Variants in VWA8 observed in about 807,000 individuals in gnomAD.
The protein encoded by VWA8 is von Willebrand factor A domain-containing protein 8.
VWA8 carries 221 observed loss-of-function variants against 241.5 expected under a neutral mutation model. That is an observed-to-expected ratio of 0.91 (90% CI 0.82 to 1.02). VWA8 has a LOEUF of 1.02. Among genes scored for constraint, VWA8 ranks in the 50% least tolerant of loss-of-function variants. VWA8 has a pLI of 0.00. For missense variants in VWA8, 2,322 were observed against 2,328.7 expected (o/e 1.00, Z 0.06); for synonymous variants, 852 against 827.1 (o/e 1.03, Z -0.52).
At chr13:41,718,957 G>A (rs1421241597) in intron 26 of VWA8, among the ~76,000 whole-genome samples, 2 of 151,746 alleles carry the variant, frequency 1.3e-5, no homozygotes, top group Admixed American at 1.3e-4. Context: ...GTGAATTTGT[G>A]CTGACTTAAT....
At chr13:41,655,418 T>A (rs1467552392) in intron 37 of VWA8, among the ~76,000 whole-genome samples, 1 of 152,098 alleles carries the variant, frequency 6.6e-6, no homozygotes, top group African/African-American at 2.4e-5. Context: ...GCATCATGTC[T>A]ACAACTCACA....
chr13:41,950,951 G>A lies in VWA8; in HGVS notation c.164-938C>T, dbSNP rs796910676. Among the ~76,000 whole-genome samples, 8 of 152,088 alleles carry A rather than the reference G, an allele frequency of 5.3e-5. 1 individual carries two copies. The highest frequency in any genetic ancestry group is 1.9e-4 in the African/African-American group (8 of 41,510). Reference sequence around the variant, plus strand: ...CCCAAAGTGCTGGGATTACAGGTGTGAGCCTCCACACCCAGCCCATAGAGT... The same window carrying A: ...CCCAAAGTGCTGGGATTACAGGTGTAAGCCTCCACACCCAGCCCATAGAGT... On this transcript the variant is annotated intron_variant, in intron 1 of 44. Coordinates refer to ENST00000379310, the MANE Select transcript of VWA8 (RefSeq NM_015058.2).
chr13:41,864,631 A>G (rs1873203553), intron 12 of VWA8: 1 of 440,924 alleles, frequency 2.3e-6, no homozygotes, highest in Non-Finnish European at 4.5e-6. Flanking sequence ...GAATAGGCAA[A>G]TTTATAGGGA....
At chr13:41,587,853 A>G (rs2044429518) in intron 41 of VWA8, among the ~76,000 whole-genome samples, 183 bp from the exon 42 acceptor site, 1 of 152,236 alleles carries the variant, frequency 6.6e-6, no homozygotes, top group East Asian at 1.9e-4. Flanking sequence ...ACTGCAGTAA[A>G]CAGAATTTCA....
chr13:41,726,162 T>C (rs993353935), intron 24 of VWA8, among the ~76,000 whole-genome samples: 2 of 152,160 alleles, frequency 1.3e-5, no homozygotes, highest in African/African-American at 4.8e-5. Context: ...AAACTTATTC[T>C]CTTTTTTTAA....
At chr13:41,590,967 T>G (rs2044450651) in intron 40 of VWA8, among the ~76,000 whole-genome samples, 1 of 152,162 alleles carries the variant, frequency 6.6e-6, no homozygotes, top group African/African-American at 2.4e-5. Context: ...TTTCAACATA[T>G]GGAACAATAA....
At chr13:41,855,665 G>A (rs964183854) in intron 12 of VWA8, among the ~76,000 whole-genome samples, 4 of 152,048 alleles carry the variant, frequency 2.6e-5, no homozygotes, top group Non-Finnish European at 5.9e-5. Flanking sequence ...CAGGGGCTGG[G>A]TTTGGGTGGA....
intron 20 of VWA8, 47 bp downstream of exon 20, chr13:41,777,938 G>A: frequency 1.4e-6 from 2 of 1,474,782 alleles, no homozygotes; most frequent in Non-Finnish European, 1.9e-6. Context: ...CTTTTAAATT[G>A]TTACTATCAT....
Position 41,732,103 on chromosome 13 carries a change from T to C in VWA8, c.2479A>G (p.Ile827Val), listed in dbSNP as rs2045488724. 6.2e-7 allele frequency: 1 copy of C among 1,613,218 alleles called. No individual in the cohort carries two copies. The highest frequency in any genetic ancestry group is 2.2e-5 in the East Asian group (1 of 44,840). ...ACCAAAGGTGAGTCTTCATATACAATAAGTCCGTCTTTAACCGAAGGCTGA... is the reference window on the plus strand; with the variant it reads ...ACCAAAGGTGAGTCTTCATATACAACAAGTCCGTCTTTAACCGAAGGCTGA... ...TLQPSVKDGL[I>V]VYEDSPLVKA... The change falls in exon 22 of 45, where the codon ATT (isoleucine) becomes GTT (valine). Residue 827 changes from isoleucine to valine, a missense_variant. Coordinates refer to ENST00000379310, the MANE Select transcript of VWA8 (RefSeq NM_015058.2).
chr13:41,728,657 A>T (rs2045456658), intron 23 of VWA8, among the ~76,000 whole-genome samples: 3 of 151,982 alleles, frequency 2.0e-5, no homozygotes, highest in Admixed American at 6.6e-5. Context: ...GGGTAACTCA[A>T]ATTCTAATTT....
chr13:41,770,294 A>C (rs895721681), intron 20 of VWA8, among the ~76,000 whole-genome samples: 4 of 151,738 alleles, frequency 2.6e-5, no homozygotes, highest in Admixed American at 6.6e-5. Flanking sequence ...CAAAAAAATT[A>C]GCCAGGCGCG....
intron 4 of VWA8, among the ~76,000 whole-genome samples, chr13:41,897,562 A>G (rs534110641): frequency 1.3e-5 from 2 of 152,320 alleles, no homozygotes; most frequent in East Asian, 3.9e-4. Flanking sequence ...TAGATGTATT[A>G]AAGTATTGTG....
intron 3 of VWA8, among the ~76,000 whole-genome samples, 196 bp downstream of exon 3, chr13:41,911,842 T>A (rs968828969): frequency 6.6e-6 from 1 of 152,242 alleles, no homozygotes; most frequent in East Asian, 1.9e-4. Context: ...GCTACAGCTA[T>A]GAAAATTTGC....
chr13:41,672,723 T>C (rs1231238209), intron 36 of VWA8, among the ~76,000 whole-genome samples: 1 of 152,292 alleles, frequency 6.6e-6, no homozygotes. Context: ...GGACCATATG[T>C]TCTGAGCTAC....
At chr13:41,845,567 G>C (rs1872254052) in intron 12 of VWA8, among the ~76,000 whole-genome samples, 1 of 151,846 alleles carries the variant, frequency 6.6e-6, no homozygotes, top group Non-Finnish European at 1.5e-5. Context: ...AAGCAAACTA[G>C]ATGCACATCA....
intron 2 of VWA8, among the ~76,000 whole-genome samples, chr13:41,929,963 A>C (rs1055936590): frequency 1.3e-5 from 2 of 152,256 alleles, no homozygotes; most frequent in Non-Finnish European, 2.9e-5. Flanking sequence ...TCAATTAGGA[A>C]AAAAACATTT....
At chr13:41,694,386 C>A (rs1412195133) in intron 29 of VWA8, among the ~76,000 whole-genome samples, 1 of 151,884 alleles carries the variant, frequency 6.6e-6, no homozygotes, top group Non-Finnish European at 1.5e-5. Flanking sequence ...GCTTAAATTT[C>A]TTTCATAAAC....
chr13:41,673,293 T>C (rs1020911449), intron 36 of VWA8, among the ~76,000 whole-genome samples: 5 of 152,246 alleles, frequency 3.3e-5, no homozygotes, highest in Admixed American at 6.5e-5. Flanking sequence ...TACAGTTTTA[T>C]TGTATTTTCT....
chr13:41,642,622 T>C (rs1370966300), intron 37 of VWA8, among the ~76,000 whole-genome samples: 1 of 151,514 alleles, frequency 6.6e-6, no homozygotes, highest in Non-Finnish European at 1.5e-5. Flanking sequence ...TCTTTTGAAT[T>C]TTGAAACAAA....
Sources: allele counts gnomAD v4.1 joint callset (sites outside exome capture counted in the v4.1 genomes callset), GRCh38; gene constraint gnomAD v4.1.1; transcripts MANE v1.5; gene names NCBI Gene and HGNC (gene_info 2026-07-23, HGNC 2026-07-21).